The following ULK4 variants were observed in gnomAD, a reference collection of about 807,000 sequenced individuals.
ULK4 encodes the protein inactive serine/threonine-protein kinase ULK4.
In ULK4, 133 loss-of-function variants were observed where a neutral mutation model predicts 160.6. The observed-to-expected ratio is 0.83, with a 90% confidence interval of 0.72 to 0.96. The LOEUF is 0.96. Ranked by LOEUF, ULK4 falls within the 40% of genes least tolerant of loss-of-function variation. The pLI is 0.00. For synonymous variants in ULK4, 534 were observed against 539.8 expected, an observed-to-expected ratio of 0.99 and a Z score of 0.15; for missense variants, 1,580 against 1,499.5, an observed-to-expected ratio of 1.05 and a Z score of -0.89.
intron 20 of ULK4, among the ~76,000 whole-genome samples, chr3:41,795,502 A>T (rs955730272): frequency 6.6e-5 from 10 of 152,202 alleles, no homozygotes; most frequent in Admixed American, 5.2e-4. Flanking sequence ...TATCAAACAG[A>T]GAGAGATAAA....
At chr3:41,510,445 A>G (rs759549922) in intron 32 of ULK4, among the ~76,000 whole-genome samples, 1 of 152,220 alleles carries the variant, frequency 6.6e-6, no homozygotes, top group Non-Finnish European at 1.5e-5. Context: ...GTCAACAAAG[A>G]AACAATGGAC....
intron 32 of ULK4, among the ~76,000 whole-genome samples, chr3:41,484,001 C>T (rs375446740): frequency 6.6e-6 from 1 of 152,166 alleles, no homozygotes; most frequent in African/African-American, 2.4e-5. Flanking sequence ...AATACCTTGA[C>T]TTTGGACTTC....
chr3:41,470,318 T>G (rs1051421347), intron 32 of ULK4, among the ~76,000 whole-genome samples: 5 of 152,190 alleles, frequency 3.3e-5, no homozygotes, highest in African/African-American at 7.2e-5. Flanking sequence ...GAGAGTGGGA[T>G]GATTTATTCA....
chr3:41,580,300 A>AT (rs2030190379), intron 31 of ULK4, among the ~76,000 whole-genome samples: 1 of 152,112 alleles, frequency 6.6e-6, no homozygotes, highest in Non-Finnish European at 1.5e-5. Flanking sequence ...TTCTGATATC[A>AT]TTATTAGCCA....
chr3:41,912,672 T>A, intron 9 of ULK4, 135 bp downstream of exon 9: 1 of 705,082 alleles, frequency 1.4e-6, no homozygotes, highest in East Asian at 2.7e-5. Flanking sequence ...AAGCAACCCT[T>A]AATTAAACAA....
Position 41,919,717 on chromosome 3 carries a change from C to A in ULK4, c.643G>T (p.Gly215Ter). Residue 215 changes from glycine to a stop codon, truncating the protein, a stop_gained and splice_region_variant, in exon 6 of 37, where the codon GGA (glycine) becomes TGA (stop). Coordinates refer to ENST00000301831, the MANE Select transcript of ULK4 (RefSeq NM_017886.4). LOFTEE classifies it high-confidence loss of function. ...LGCLLYEMFS[G>*]KPPFFSESIS... ...TTATACCTATTCAGGAAACAATTAC[C>A]TGAAAACATTTCATAAAGCAGACAG... 6.2e-7 allele frequency: 1 copy of A among 1,613,460 alleles called. No individual in the cohort carries two copies. The highest frequency in any genetic ancestry group is 8.5e-7 in the Non-Finnish European group (1 of 1,179,506).
intron 19 of ULK4, among the ~76,000 whole-genome samples, chr3:41,818,113 C>CA (rs35468475): frequency 0.035 from 3,488 of 99,032 alleles, 52 homozygotes; most frequent in Admixed American, 0.058. Context: ...GGAGTTTCCT[C>CA]AAAAAAAAAA....
chr3:41,661,556 TAGAC>T (rs1181271989), intron 30 of ULK4, among the ~76,000 whole-genome samples: 10 of 151,854 alleles, frequency 6.6e-5, no homozygotes, highest in African/African-American at 1.5e-4. Flanking sequence ...AGATAGATAA[TAGAC>T]AGACAGACAG....
chr3:41,677,481 G>T (rs2035762549), intron 29 of ULK4, among the ~76,000 whole-genome samples: 1 of 151,896 alleles, frequency 6.6e-6, no homozygotes, highest in African/African-American at 2.4e-5. Flanking sequence ...ACAGGTGCCT[G>T]CCATCACACC....
intron 19 of ULK4, among the ~76,000 whole-genome samples, chr3:41,813,948 T>C (rs1337343826): frequency 2.6e-5 from 4 of 152,218 alleles, no homozygotes; most frequent in Admixed American, 2.6e-4. Flanking sequence ...AGTTGCCCAG[T>C]GTGTCTTGGA....
chr3:41,950,994 A>G (rs1700273774), intron 2 of ULK4, among the ~76,000 whole-genome samples: 1 of 151,814 alleles, frequency 6.6e-6, no homozygotes, highest in Non-Finnish European at 1.5e-5. Context: ...AATACAAAAA[A>G]TTAGCTGGGC....
chr3:41,311,310 C>T lies in ULK4; in HGVS notation c.3679-61736G>A, dbSNP rs139392200. On this transcript the variant is annotated intron_variant, in intron 35 of 36. Transcript: ENST00000301831. Reference sequence around the variant, plus strand: ...GTCAGTGGGCTGGGAAAGGCAGACCCACCCTTAATCTGAGTGGACACCATC... The same window carrying T: ...GTCAGTGGGCTGGGAAAGGCAGACCTACCCTTAATCTGAGTGGACACCATC... 7.4e-4 allele frequency among the ~76,000 whole-genome samples: 113 copies of T among 152,264 alleles called. 1 individual carries two copies. The highest frequency in any genetic ancestry group is 2.2e-3 in the African/African-American group (90 of 41,560).
chr3:41,292,004 T>C (rs1013912616), intron 35 of ULK4, among the ~76,000 whole-genome samples: 2 of 151,848 alleles, frequency 1.3e-5, no homozygotes, highest in Non-Finnish European at 2.9e-5. Context: ...CTATTTTTTT[T>C]TGTATTTTTT....
chr3:41,823,029 T>TC (rs1419895523), intron 18 of ULK4, among the ~76,000 whole-genome samples: 1 of 151,848 alleles, frequency 6.6e-6, no homozygotes, highest in Non-Finnish European at 1.5e-5. Flanking sequence ...GCCGAGATTT[T>TC]TTTTTTAAAG....
At chr3:41,502,766 T>TA (rs1337314770) in intron 32 of ULK4, among the ~76,000 whole-genome samples, 2 of 152,178 alleles carry the variant, frequency 1.3e-5, no homozygotes, top group Non-Finnish European at 2.9e-5. Flanking sequence ...CATAAAATAT[T>TA]AGTGGTTCCC....
At chr3:41,646,985 C>T (rs1385831147) in intron 30 of ULK4, among the ~76,000 whole-genome samples, 8 of 152,192 alleles carry the variant, frequency 5.3e-5, no homozygotes, top group African/African-American at 1.7e-4. Flanking sequence ...TTGATCGCAT[C>T]GGCTCCTGAG....
At chr3:41,864,586 T>C (rs1288408561) in intron 17 of ULK4, among the ~76,000 whole-genome samples, 1 of 152,024 alleles carries the variant, frequency 6.6e-6, no homozygotes, top group Non-Finnish European at 1.5e-5. Flanking sequence ...GTGACCTTGC[T>C]GTACCCCAGA....
chr3:41,931,969 T>C lies in ULK4; in HGVS notation c.416A>G (p.Asn139Ser), dbSNP rs1559658662. ...LEGPGTLKFS[N>S]FCLAKVEGEN... ...ACCTTCCACTTTTGCCAAGCAAAAG[T>C]TGCTAAACTTCAGTGTGCCAGGCCC... Residue 139 changes from asparagine (N) to serine (S), a missense_variant, in exon 5 of 37, where the codon AAC becomes AGC. Physicochemically the swap from Asn to Ser is conservative, Grantham distance 46. Transcript: ENST00000301831. 6.2e-7 allele frequency: 1 copy of C among 1,614,138 alleles called. No homozygotes were observed. The highest frequency in any genetic ancestry group is 8.5e-7 in the Non-Finnish European group (1 of 1,180,020).
intron 32 of ULK4, among the ~76,000 whole-genome samples, chr3:41,551,363 AAAT>A (rs1181866237): frequency 6.6e-6 from 1 of 151,386 alleles, no homozygotes; most frequent in Non-Finnish European, 1.5e-5. Flanking sequence ...TGAAAAAATA[AAAT>A]AAAAAACCAC....
Sources: gnomAD v4.1 joint callset for allele counts (sites outside exome capture counted in the v4.1 genomes callset) on GRCh38, gnomAD v4.1.1 for gene constraint, MANE v1.5 for transcripts, NCBI Gene and HGNC (gene_info 2026-07-23, HGNC 2026-07-21) for gene names.